Variants in DRC11 observed in about 807,000 individuals in gnomAD.
The protein encoded by DRC11 is IQ and AAA domain-containing protein 1.
At chr2:236,397,036 A>C in the DRC11 span, among the ~76,000 whole-genome samples, 1 of 152,216 alleles carries the variant, frequency 6.6e-6, no homozygotes, top group Non-Finnish European at 1.5e-5. The surrounding 1 kb of genome is among the most constrained non-coding windows in gnomAD (Gnocchi z 5.0). Context: ...CAAAGGGACA[A>C]GCATTCTGAG....
the DRC11 span, among the ~76,000 whole-genome samples, chr2:236,341,867 T>C: frequency 6.6e-5 from 10 of 152,206 alleles, no homozygotes; most frequent in Non-Finnish European, 1.5e-4. Flanking sequence ...GGGAAAACAA[T>C]GCCTTCCTCT....
chr2:236,452,857 T>G, the DRC11 span, among the ~76,000 whole-genome samples: 44 of 152,156 alleles, frequency 2.9e-4, no homozygotes, highest in Admixed American at 4.6e-4. This position sits in a 1 kb window ranked among gnomAD's most constrained non-coding sequence, Gnocchi z 4.7. Flanking sequence ...TTAAAAAAAT[T>G]TTATTAAAAG....
the DRC11 span, among the ~76,000 whole-genome samples, chr2:236,401,463 T>C: frequency 2.0e-5 from 3 of 152,184 alleles, no homozygotes; most frequent in Non-Finnish European, 4.4e-5. This position sits in a 1 kb window ranked among gnomAD's most constrained non-coding sequence, Gnocchi z 4.6. Flanking sequence ...CCCTGGGGCC[T>C]GGCCACTTGG....
the DRC11 span, among the ~76,000 whole-genome samples, chr2:236,310,103 A>T: frequency 6.6e-6 from 1 of 152,164 alleles, no homozygotes; most frequent in Non-Finnish European, 1.5e-5. This position sits in a 1 kb window ranked among gnomAD's most constrained non-coding sequence, Gnocchi z 5.5. Context: ...GCCACCAGCA[A>T]GGTCACTGCT....
chr2:236,484,648 GA>G, the DRC11 span, among the ~76,000 whole-genome samples: 1 of 151,522 alleles, frequency 6.6e-6, no homozygotes, highest in African/African-American at 2.4e-5. Flanking sequence ...GCACTACTGG[GA>G]AAAAAGGTGT....
chr2:236,368,873 C>G, the DRC11 span: 1 of 152,126 alleles, frequency 6.6e-6, no homozygotes, highest in South Asian at 2.1e-4. Flanking sequence ...AAGAGAGTAC[C>G]AAAGGAATAA....
At chr2:236,369,247 A>C in the DRC11 span, 1 of 152,262 alleles carries the variant, frequency 6.6e-6, no homozygotes, top group Non-Finnish European at 1.5e-5. The surrounding 1 kb of genome is among the most constrained non-coding windows in gnomAD (Gnocchi z 4.5). Context: ...CAAGCTTTTA[A>C]GTATTTTCAA....
the DRC11 span, among the ~76,000 whole-genome samples, chr2:236,459,694 T>C: frequency 6.7e-6 from 1 of 148,468 alleles, no homozygotes; most frequent in Non-Finnish European, 1.5e-5. Context: ...TATACATATA[T>C]ACATATATAC....
At chr2:236,322,202 T>C in the DRC11 span, among the ~76,000 whole-genome samples, 1 of 151,884 alleles carries the variant, frequency 6.6e-6, no homozygotes. Flanking sequence ...TCTTTGACTC[T>C]TGAGCTGCTT....
At chr2:236,497,727 T>G in the DRC11 span, among the ~76,000 whole-genome samples, 1 of 152,200 alleles carries the variant, frequency 6.6e-6, no homozygotes, top group Non-Finnish European at 1.5e-5. The surrounding 1 kb of genome is among the most constrained non-coding windows in gnomAD (Gnocchi z 5.1). Flanking sequence ...TTTGTCTAAA[T>G]GATATAAAGT....
chr2:236,325,231 T>C, the DRC11 span, among the ~76,000 whole-genome samples: 1,493 of 152,294 alleles, frequency 9.8e-3, 27 homozygotes, highest in East Asian at 0.092. This position sits in a 1 kb window ranked among gnomAD's most constrained non-coding sequence, Gnocchi z 4.4. Flanking sequence ...ACCAAGAACT[T>C]AGTGATTGTA....
the DRC11 span, chr2:236,332,871 C>A: frequency 1.3e-5 from 2 of 152,254 alleles, no homozygotes; most frequent in South Asian, 4.2e-4. The surrounding 1 kb of genome is among the most constrained non-coding windows in gnomAD (Gnocchi z 5.1). Flanking sequence ...TTGGGGCCTG[C>A]CAATTTCTCT....
the DRC11 span, among the ~76,000 whole-genome samples, chr2:236,383,849 A>G: frequency 8.1e-5 from 12 of 148,700 alleles, no homozygotes; most frequent in African/African-American, 1.7e-4. Context: ...AGAGTGTGAT[A>G]TTCCCCTTCC....
chr2:236,426,941 C>T, the DRC11 span, among the ~76,000 whole-genome samples: 1 of 152,000 alleles, frequency 6.6e-6, no homozygotes, highest in Non-Finnish European at 1.5e-5. This position sits in a 1 kb window ranked among gnomAD's most constrained non-coding sequence, Gnocchi z 4.1. Context: ...TAGTCTTTAT[C>T]GTGTTAAGTT....
At chr2:236,387,956 A>C in the DRC11 span, among the ~76,000 whole-genome samples, 1 of 152,086 alleles carries the variant, frequency 6.6e-6, no homozygotes, top group Non-Finnish European at 1.5e-5. Context: ...TCTGGGTTGA[A>C]AATTCTTTTC....
the DRC11 span, among the ~76,000 whole-genome samples, chr2:236,421,143 A>G: frequency 6.6e-6 from 1 of 152,242 alleles, no homozygotes; most frequent in Non-Finnish European, 1.5e-5. Flanking sequence ...CATCACAATT[A>G]AAAGAACTAG....
the DRC11 span, among the ~76,000 whole-genome samples, chr2:236,352,235 GT>G: frequency 6.6e-6 from 1 of 152,150 alleles, no homozygotes; most frequent in Non-Finnish European, 1.5e-5. The surrounding 1 kb of genome is among the most constrained non-coding windows in gnomAD (Gnocchi z 7.0). Context: ...TGGCCAGAGA[GT>G]TTGGTAATGA....
At chr2:236,308,327 T>C in the DRC11 span, among the ~76,000 whole-genome samples, 1 of 152,250 alleles carries the variant, frequency 6.6e-6, no homozygotes, top group Non-Finnish European at 1.5e-5. This position sits in a 1 kb window ranked among gnomAD's most constrained non-coding sequence, Gnocchi z 6.0. Flanking sequence ...GAGACCCCCC[T>C]TGGAGGGCTG....
At chr2:236,361,004 A>G in the DRC11 span, among the ~76,000 whole-genome samples, 2 of 152,194 alleles carry the variant, frequency 1.3e-5, no homozygotes, top group Non-Finnish European at 2.9e-5. The surrounding 1 kb of genome is among the most constrained non-coding windows in gnomAD (Gnocchi z 5.7). Context: ...TATCAATCAG[A>G]TGAAAAACAG....
Sources: gnomAD v4.1 joint callset for allele counts (sites outside exome capture counted in the v4.1 genomes callset) on GRCh38, gnomAD v4.1.1 for gene constraint, Gnocchi (gnomAD v3.1) non-coding constraint, MANE v1.5 for transcripts, NCBI Gene and HGNC (gene_info 2026-07-23, HGNC 2026-07-21) for gene names.